Variants in TBC1D4 observed in about 807,000 individuals in gnomAD.
The protein encoded by TBC1D4 is TBC (Tre-2, BUB2, CDC16) domain-containing protein.
Under a neutral mutation model 142.5 loss-of-function variants are expected in TBC1D4, and 121 were observed. The ratio of observed to expected loss-of-function variants is 0.85; its 90% CI spans 0.73 to 0.99. The LOEUF (loss-of-function observed/expected upper bound fraction) is 0.99. TBC1D4 is among the 50% of genes least tolerant of loss of function. The pLI is 0.00. For synonymous variants in TBC1D4, 630 were observed against 628.2 expected (o/e 1.00, Z -0.04); for missense variants, 1,475 against 1,606.6 (o/e 0.92, Z 1.40).
intron 19 of TBC1D4, 21 bp from the exon 20 acceptor site, chr13:75,289,131 G>A (rs1196565174): frequency 6.2e-7 from 1 of 1,612,670 alleles, no homozygotes; most frequent in Non-Finnish European, 8.5e-7. Context: ...AGTATCATGG[G>A]TTAGGCTAGC....
chr13:75,306,413 T>C lies in TBC1D4; in HGVS notation c.2652A>G (p.Ala884=), dbSNP rs751714544. ...KVKLDYEEVG[A]CQKEVLITWD... is the part of the protein sequence containing the mutation. ...AAGTTATTAAGACCTCTTTCTGACATGCACCAACTTCTTCATAGTCTAATT... is the reference window on the plus strand; with the variant it reads ...AAGTTATTAAGACCTCTTTCTGACACGCACCAACTTCTTCATAGTCTAATT... The change falls in exon 15 of 21, where the codon GCA becomes GCG. Residue 884 remains alanine, a synonymous_variant. Transcript: ENST00000377636. 2.5e-6 allele frequency: 4 copies of C among 1,613,556 alleles called. No individual in the cohort carries two copies. The highest frequency in any genetic ancestry group is 3.4e-6 in the Non-Finnish European group (4 of 1,179,908).
At chr13:75,475,335 C>G (rs1484881151) in intron 1 of TBC1D4, among the ~76,000 whole-genome samples, 2 of 152,170 alleles carry the variant, frequency 1.3e-5, no homozygotes, top group African/African-American at 2.4e-5. Flanking sequence ...TTGAGCTGTT[C>G]TTCACTTTCC....
chr13:75,374,720 A>C (rs1486167125), intron 1 of TBC1D4, among the ~76,000 whole-genome samples: 1 of 152,178 alleles, frequency 6.6e-6, no homozygotes, highest in African/African-American at 2.4e-5. Flanking sequence ...GCCAAATTTC[A>C]CAACTTCAAA....
intron 1 of TBC1D4, among the ~76,000 whole-genome samples, chr13:75,417,550 T>C (rs976111074): frequency 1.3e-5 from 2 of 152,066 alleles, no homozygotes; most frequent in African/African-American, 2.4e-5. Context: ...GTTTTTAGCA[T>C]AGGGGATCAG....
chr13:75,461,032 T>C (rs550494440), intron 1 of TBC1D4, among the ~76,000 whole-genome samples: 2 of 152,240 alleles, frequency 1.3e-5, no homozygotes, highest in Non-Finnish European at 2.9e-5. Flanking sequence ...GTATACAAGA[T>C]TAGGCTGTAC....
chr13:75,366,632 T>A (rs1304387575), intron 1 of TBC1D4, among the ~76,000 whole-genome samples: 3 of 152,122 alleles, frequency 2.0e-5, no homozygotes, highest in Non-Finnish European at 4.4e-5. Flanking sequence ...CTAAAACAAT[T>A]TAGAATCAAG....
chr13:75,406,074 C>T (rs1056641119), intron 1 of TBC1D4, among the ~76,000 whole-genome samples: 10 of 152,352 alleles, frequency 6.6e-5, no homozygotes, highest in Non-Finnish European at 8.8e-5. Flanking sequence ...TAATTGAATT[C>T]GTTCGCTCCG....
At chr13:75,387,601 C>T (rs1295469128) in intron 1 of TBC1D4, among the ~76,000 whole-genome samples, 1 of 152,206 alleles carries the variant, frequency 6.6e-6, no homozygotes, top group Non-Finnish European at 1.5e-5. Context: ...CACCACCAAT[C>T]TCATCAAAGT....
At chr13:75,481,230 A>T in intron 1 of TBC1D4, 40 bp downstream of exon 1, 1 of 1,521,574 alleles carries the variant, frequency 6.6e-7, no homozygotes, top group Non-Finnish European at 8.9e-7. Context: ...CGATCCCCCA[A>T]GGCCGAGCCC....
At position 75,424,272 on chromosome 13, in the gene TBC1D4, T is replaced by TAA. The variant is rs5804814; in HGVS notation, c.498+56996_498+56997dup. Among the ~76,000 whole-genome samples, 123 of 116,080 alleles carry TAA rather than the reference T, an allele frequency of 1.1e-3. 2 individuals carry two copies. The highest frequency in any genetic ancestry group is 2.9e-3 in the African/African-American group (93 of 32,438). The allele number at this position is 116,080 out of a possible 152,430, so 76.2% of individuals were successfully genotyped here. A position where few individuals can be genotyped will look rare whatever the true frequency, so the allele number is the denominator to read the frequency against. ...TAGGTAACAGAGTAAAACCCTGTCT[T>TAA]AAAAAAAAAAAAAAAGAAAGAAAGA... On this transcript the variant is annotated intron_variant, in intron 1 of 20. Coordinates refer to ENST00000377636, the MANE Select transcript of TBC1D4 (RefSeq NM_014832.5).
rs910458362 is a variant in TBC1D4, at chr13:75,292,281, G to C, written c.3317-10C>G. 2.5e-6 allele frequency: 4 copies of C among 1,604,426 alleles called. No homozygotes were observed. The highest frequency in any genetic ancestry group is 2.2e-5 in the East Asian group (1 of 44,694). On this transcript the variant is annotated splice_polypyrimidine_tract_variant and intron_variant, in intron 18 of 20. Transcript: ENST00000377636. The stretch of plus-strand genomic sequence containing the variant: ...TGAAGAAAAATAATATCTAAAAGAA[G>C]AGATATAATTTTCATGATCAAAACT...
chr13:75,378,602 A>G (rs1281725360), intron 1 of TBC1D4, among the ~76,000 whole-genome samples: 1 of 152,170 alleles, frequency 6.6e-6, no homozygotes, highest in Non-Finnish European at 1.5e-5. Flanking sequence ...GTTGATCACA[A>G]TGATAGCTGT....
intron 1 of TBC1D4, among the ~76,000 whole-genome samples, chr13:75,386,428 A>G (rs1884175623): frequency 6.9e-6 from 1 of 144,656 alleles, no homozygotes; most frequent in Non-Finnish European, 1.5e-5. Context: ...TCACACTGTC[A>G]CCCAGGCTGG....
Position 75,306,408 on chromosome 13 carries a change from T to G in TBC1D4, c.2657A>C (p.Gln886Pro). The change falls in exon 15 of 21, where the codon CAG becomes CCG. Residue 886 changes from glutamine to proline, a missense_variant. Gln to Pro is a moderately conservative substitution (Grantham distance 76). Around this residue, in one of 2 missense-constraint regions of TBC1D4, gnomAD observed 1,227 missense variants for 1,267.7 expected, o/e 0.97. Coordinates refer to ENST00000377636, the MANE Select transcript of TBC1D4 (RefSeq NM_014832.5). The part of the protein sequence containing the change: ...KLDYEEVGAC[Q>P]KEVLITWDKK... ...ATCCCAAGTTATTAAGACCTCTTTC[T>G]GACATGCACCAACTTCTTCATAGTC... The G allele has an allele frequency of 1.2e-6, 2 of 1,613,576 alleles. No individual in the cohort carries two copies. The highest frequency in any genetic ancestry group is 1.7e-6 in the Non-Finnish European group (2 of 1,179,902).
Position 75,356,141 on chromosome 13 carries a change from A to G in TBC1D4, c.1275+6T>C. On this transcript the variant is annotated splice_donor_region_variant and intron_variant, in intron 4 of 20. Coordinates refer to ENST00000377636, the MANE Select transcript of TBC1D4 (RefSeq NM_014832.5). ...GGAGCAGGCAGACAGCAATAACACT[A>G]CTTACCAGAGATTCGCTGGCACACT... The G allele has an allele frequency of 6.2e-7, 1 of 1,607,490 alleles. No homozygotes were observed. The highest frequency in any genetic ancestry group is 8.5e-7 in the Non-Finnish European group (1 of 1,174,386).
intron 19 of TBC1D4, among the ~76,000 whole-genome samples, chr13:75,290,568 C>T (rs902578522): frequency 6.6e-6 from 1 of 151,940 alleles, no homozygotes; most frequent in African/African-American, 2.4e-5. Flanking sequence ...AATTTATAAA[C>T]AAGTGAATAT....
In TBC1D4 at chr13:75,306,429, T is replaced by C. The variant is rs767489753; in HGVS notation, c.2636A>G (p.Tyr879Cys). The change falls in exon 15 of 21, where the codon TAT becomes TGT. Residue 879 changes from tyrosine (Y) to cysteine (C), a missense_variant. By Grantham distance (194) the Tyr-to-Cys change is radical. Transcript: ENST00000377636. ...ELQSRKVKLD[Y>C]EEVGACQKEV... ...TTTCTGACATGCACCAACTTCTTCA[T>C]AGTCTAATTTAACTTTTCTGGACTG... The C allele has an allele frequency of 6.2e-7, 1 of 1,613,492 alleles. No homozygotes were observed. Among genetic ancestry groups the C allele is most frequent in the East Asian group, 2.2e-5 (1 of 44,776 alleles).
intron 1 of TBC1D4, among the ~76,000 whole-genome samples, chr13:75,415,941 C>A (rs1477858898): frequency 1.3e-5 from 2 of 152,170 alleles, no homozygotes; most frequent in African/African-American, 4.8e-5. Context: ...AGCATAGCTA[C>A]TTTATGAAAT....
Position 75,362,473 on chromosome 13 carries a change from G to T in TBC1D4, c.633C>A (p.Thr211=). 1 of 1,614,216 alleles carries T rather than the reference G, an allele frequency of 6.2e-7. No homozygotes were observed. The highest frequency in any genetic ancestry group is 8.5e-7 in the Non-Finnish European group (1 of 1,180,050). ...KFEVLYCGKV[T]VTHKKAPSSL... ...TTGAGGGGGCCTTCTTGTGGGTCACGGTCACCTTTCCACAGTACAGGACTT... is the reference window on the plus strand; with the variant it reads ...TTGAGGGGGCCTTCTTGTGGGTCACTGTCACCTTTCCACAGTACAGGACTT... The change falls in exon 2 of 21, where the codon ACC becomes ACA. Residue 211 remains threonine, a synonymous_variant. Coordinates refer to ENST00000377636, the MANE Select transcript of TBC1D4 (RefSeq NM_014832.5). This position sits in a 1 kb window ranked among gnomAD's most constrained non-coding sequence, Gnocchi z 4.2.
Sources: gnomAD v4.1 joint callset for allele counts (sites outside exome capture counted in the v4.1 genomes callset) on GRCh38, gnomAD v4.1.1 for gene constraint, gnomAD v4.1.1 regional missense constraint, Gnocchi (gnomAD v3.1) non-coding constraint, MANE v1.5 for transcripts, NCBI Gene and HGNC (gene_info 2026-07-23, HGNC 2026-07-21) for gene names.